Variants in LARP1 observed in about 807,000 individuals in gnomAD.
The protein encoded by LARP1 is La ribonucleoprotein 1, translational regulator.
Under a neutral mutation model 122.7 loss-of-function variants are expected in LARP1, and 36 were observed. The observed-to-expected ratio is 0.29, with a 90% confidence interval of 0.22 to 0.39. The LOEUF (loss-of-function observed/expected upper bound fraction) is 0.39, where lower values mean the gene tolerates loss of function less well. LARP1 is among the 10% of genes least tolerant of loss of function. The probability of loss-of-function intolerance (pLI) is 1.00; values close to 1 mark genes in which losing one functional copy is unlikely to be tolerated. For missense variants in LARP1, 1,040 were observed against 1,403.6 expected (o/e 0.74, Z 4.14); for synonymous variants, 539 against 528.7 (o/e 1.02, Z -0.27).
At chr5:154,774,962 A>G (rs1469320704) in intron 1 of LARP1, among the ~76,000 whole-genome samples, 2 of 152,190 alleles carry the variant, frequency 1.3e-5, no homozygotes, top group Admixed American at 6.5e-5. Flanking sequence ...TTTCAGGGAA[A>G]AAAAGAAAAA....
Position 154,790,709 on chromosome 5 carries a change from A to T in LARP1, c.563A>T (p.Gln188Leu), listed in dbSNP as rs768907726. 1.4e-5 allele frequency: 23 copies of T among 1,614,166 alleles called. No homozygotes were observed. Among genetic ancestry groups the T allele is most frequent in the Non-Finnish European group, 1.9e-5 (23 of 1,179,972 alleles). The change falls in exon 3 of 19, where the codon CAG becomes CTG. Residue 188 changes from glutamine to leucine, a missense_variant and splice_region_variant. Transcript: ENST00000518297. ...TPGEIAHKSVQPQSHKPQPTR... is the reference protein window; with the variant it reads ...TPGEIAHKSVLPQSHKPQPTR... ...GGAGAGATAGCCCACAAGAGTGTTC[A>T]GGTGAGTCTGTGTGGAAGAATAGGC... is the stretch of plus-strand genomic sequence containing the variant.
intron 1 of LARP1, among the ~76,000 whole-genome samples, chr5:154,775,300 T>C (rs1755776999): frequency 6.6e-6 from 1 of 151,908 alleles, no homozygotes; most frequent in Admixed American, 6.6e-5. Context: ...ACCTCGTATC[T>C]AAAAAACGTA....
intron 1 of LARP1, among the ~76,000 whole-genome samples, chr5:154,731,180 G>C (rs570298827): frequency 1.3e-5 from 2 of 151,734 alleles, no homozygotes; most frequent in African/African-American, 4.8e-5. Context: ...AATCATAACC[G>C]TGTGAAAGGA....
At chr5:154,797,020 T>C (rs1757916723) in intron 8 of LARP1, among the ~76,000 whole-genome samples, 1 of 152,162 alleles carries the variant, frequency 6.6e-6, no homozygotes, top group South Asian at 2.1e-4. Flanking sequence ...AGTGGGACCC[T>C]ATACATTTCC....
At chr5:154,768,190 G>A (rs1001910446) in intron 1 of LARP1, among the ~76,000 whole-genome samples, 1 of 152,206 alleles carries the variant, frequency 6.6e-6, no homozygotes, top group Non-Finnish European at 1.5e-5. Context: ...GGGATACTGA[G>A]TTCCTTGACA....
At chr5:154,770,972 C>T (rs745494551) in intron 1 of LARP1, among the ~76,000 whole-genome samples, 1 of 152,042 alleles carries the variant, frequency 6.6e-6, no homozygotes, top group Non-Finnish European at 1.5e-5. Context: ...ATTAGCCAGG[C>T]GTGGCAGCAG....
chr5:154,753,683 A>G (rs968822622), upstream of LARP1, among the ~76,000 whole-genome samples: 2 of 151,836 alleles, frequency 1.3e-5, no homozygotes, highest in Admixed American at 6.6e-5. Context: ...ATTTACCCCC[A>G]TTTTTCCACC....
Position 154,744,616 on chromosome 5 carries a change from ATTTTTTTTTTTTTTTTTTTTTTT to A in LARP1, c.205+31503_205+31525del, listed in dbSNP as rs748853573. On this transcript the variant is annotated intron_variant, in intron 1 of 18. Coordinates refer to the LARP1 transcript ENST00000336314. ...CAGGGGAAAGGGCATTGGATATGCA[ATTTTTTTTTTTTTTTTTTTTTTT>A]TTTTTTTTTTTTTTTTGAGACGGAG... 5.6e-5 allele frequency among the ~76,000 whole-genome samples: 4 copies of A among 71,994 alleles called. 1 individual carries two copies. Among genetic ancestry groups the A allele is most frequent in the East Asian group, 3.3e-4 (1 of 3,036 alleles). The allele number at this position is 71,994 out of a possible 152,430, so 47.2% of individuals were successfully genotyped here. A position where few individuals can be genotyped will look rare whatever the true frequency, so the allele number is the denominator to read the frequency against.
intron 1 of LARP1, among the ~76,000 whole-genome samples, chr5:154,759,215 T>C (rs1369868553): frequency 3.9e-5 from 6 of 152,340 alleles, no homozygotes; most frequent in African/African-American, 1.4e-4. Context: ...TTCATTGTTA[T>C]GATAAGTGTA....
Position 154,778,120 on chromosome 5 carries a change from C to T in LARP1, c.437-12205C>T, listed in dbSNP as rs566428407. On this transcript the variant is annotated intron_variant, in intron 1 of 18. Transcript: ENST00000518297. ...ATTAAAAATACAAAAATTAGCTGGGCGTGGTGGTGGGCGCCTGTAGTCCCA... is the reference window on the plus strand; with the variant it reads ...ATTAAAAATACAAAAATTAGCTGGGTGTGGTGGTGGGCGCCTGTAGTCCCA... Among the ~76,000 whole-genome samples the T allele has an allele frequency of 3.4e-3, 519 of 151,846 alleles. 2 individuals are homozygous for T. Among genetic ancestry groups the T allele is most frequent in the African/African-American group, 0.012 (485 of 41,396 alleles).
In LARP1 at chr5:154,689,329, G is replaced by T. The variant is rs183357656; in HGVS notation, c.-180+6292G>T. Among the ~76,000 whole-genome samples, 211 of 152,238 alleles carry T rather than the reference G, an allele frequency of 1.4e-3. 2 individuals are homozygous for T. In the East Asian group the frequency reaches 0.034, roughly 24 times the overall value. On this transcript the variant is annotated intron_variant, in intron 1 of 18. Coordinates refer to the LARP1 transcript ENST00000687700. ...TTAGCCAGGCGTGGTGGCGGCACTTGTAATCCCAGCTACTTGGGAGGCTGA... is the reference window on the plus strand; with the variant it reads ...TTAGCCAGGCGTGGTGGCGGCACTTTTAATCCCAGCTACTTGGGAGGCTGA...
chr5:154,815,673 TG>T lies in LARP1; in HGVS notation c.*1583del. ...CAAGGGATGAGGAGGAGTTGGGGGCTGGGGGGAATCCTGCCAGTTGGTGAAG... is the reference window on the plus strand; with the variant it reads ...CAAGGGATGAGGAGGAGTTGGGGGCTGGGGGAATCCTGCCAGTTGGTGAAG... On this transcript the variant is annotated 3_prime_UTR_variant, in exon 19 of 19. Coordinates refer to ENST00000518297, the MANE Select transcript of LARP1 (RefSeq NM_033551.3). 2 of 152,684 alleles carry T rather than the reference TG, an allele frequency of 1.3e-5. No homozygotes were observed. The highest frequency in any genetic ancestry group is 2.9e-5 in the Non-Finnish European group (2 of 68,382). The allele number at this position is 152,684 out of a possible 1,614,324, so 9.5% of individuals were successfully genotyped here. A position where few individuals can be genotyped will look rare whatever the true frequency, so the allele number is the denominator to read the frequency against.
upstream of LARP1, among the ~76,000 whole-genome samples, chr5:154,752,082 T>C (rs1040384796): frequency 1.3e-5 from 2 of 152,154 alleles, no homozygotes; most frequent in Admixed American, 6.5e-5. Context: ...AGTGTTAGGA[T>C]TACAGGTGTG....
At chr5:154,752,032 A>C (rs967200981), upstream of LARP1, among the ~76,000 whole-genome samples, 1 of 152,082 alleles carries the variant, frequency 6.6e-6, no homozygotes, top group African/African-American at 2.4e-5. Flanking sequence ...CTGATCTCTA[A>C]CTCCTAGGTT....
chr5:154,685,655 G>C, intron 1 of LARP1: 1 of 349,414 alleles, frequency 2.9e-6, no homozygotes, highest in Non-Finnish European at 5.6e-6. Flanking sequence ...GCCTCTGCTA[G>C]TCTATACGAT....
intron 8 of LARP1, among the ~76,000 whole-genome samples, chr5:154,799,248 T>C (rs1180204429): frequency 6.6e-6 from 1 of 152,186 alleles, no homozygotes; most frequent in Non-Finnish European, 1.5e-5. Flanking sequence ...AGTTAGGTAT[T>C]TTATAGTTCT....
chr5:154,796,030 T>A (rs1262158210), intron 8 of LARP1, among the ~76,000 whole-genome samples: 10 of 95,204 alleles, frequency 1.1e-4, no homozygotes, highest in Non-Finnish European at 2.0e-4. Context: ...TTATATATAT[T>A]TTTATATATA....
upstream of LARP1, among the ~76,000 whole-genome samples, chr5:154,750,764 C>T (rs1753442697): frequency 6.6e-6 from 1 of 152,156 alleles, no homozygotes; most frequent in Admixed American, 6.5e-5. Flanking sequence ...TGTGCCACCA[C>T]ACCTGGCTAA....
intron 8 of LARP1, among the ~76,000 whole-genome samples, chr5:154,798,377 T>C (rs529786357): frequency 6.6e-6 from 1 of 152,370 alleles, no homozygotes; most frequent in East Asian, 1.9e-4. Context: ...TCAATTCTTT[T>C]TTGTTTTAAC....
Sources: allele counts gnomAD v4.1 joint callset (sites outside exome capture counted in the v4.1 genomes callset), GRCh38; gene constraint gnomAD v4.1.1; transcripts MANE v1.5; gene names NCBI Gene and HGNC (gene_info 2026-07-23, HGNC 2026-07-21).